The following WDR27 variants were observed in gnomAD, a reference collection of about 807,000 sequenced individuals.
The protein encoded by WDR27 is WD repeat domain 27.
In WDR27, 100 loss-of-function variants were observed where a neutral mutation model predicts 114.4. The ratio of observed to expected loss-of-function variants is 0.87; its 90% CI spans 0.74 to 1.03. WDR27 has a LOEUF of 1.03. Ranked by LOEUF, WDR27 falls within the 50% of genes least tolerant of loss-of-function variation. The probability of loss-of-function intolerance (pLI) is 0.00; values close to 1 mark genes in which losing one functional copy is unlikely to be tolerated. For missense variants in WDR27, 1,129 were observed against 1,092.9 expected, an observed-to-expected ratio of 1.03 and a Z score of -0.47; for synonymous variants, 449 against 423.1, an observed-to-expected ratio of 1.06 and a Z score of -0.75.
At chr6:169,455,900 CTTCT>C (rs1374329659), downstream of WDR27, among the ~76,000 whole-genome samples, 1 of 151,846 alleles carries the variant, frequency 6.6e-6, no homozygotes, top group Non-Finnish European at 1.5e-5. Context: ...TTAGAGTTTT[CTTCT>C]TTGACATTTA....
intron 25 of WDR27, among the ~76,000 whole-genome samples, chr6:169,520,842 A>G (rs996254406): frequency 2.6e-5 from 4 of 152,188 alleles, no homozygotes; most frequent in African/African-American, 9.7e-5. Context: ...AAGAGAAAAA[A>G]AGGAAAAAAA....
intron 22 of WDR27, among the ~76,000 whole-genome samples, chr6:169,605,741 G>T (rs1809029423): frequency 6.6e-6 from 1 of 151,968 alleles, no homozygotes; most frequent in African/African-American, 2.4e-5. Context: ...AAAACAACAT[G>T]GTACTGGTAT....
At position 169,649,131 on chromosome 6, in the gene WDR27, C is replaced by T. The variant is rs559425069; in HGVS notation, c.1559+67G>A. 2.2e-6 allele frequency: 3 copies of T among 1,334,464 alleles called. No homozygotes were observed. In the African/African-American group the frequency reaches 4.4e-5, roughly 19 times the overall value. The allele number at this position is 1,334,464 out of a possible 1,614,324, so 82.7% of individuals were successfully genotyped here. On this transcript the variant is annotated intron_variant, in intron 15 of 25. Transcript: ENST00000448612. ...GGTTTTATATCTGTTTGGAAAAGAACCAGTTAAAGTGTTGGAAAGGTCTAG... is the reference window on the plus strand; with the variant it reads ...GGTTTTATATCTGTTTGGAAAAGAATCAGTTAAAGTGTTGGAAAGGTCTAG...
chr6:169,623,964 C>T (rs957705085), intron 21 of WDR27, among the ~76,000 whole-genome samples: 2 of 152,204 alleles, frequency 1.3e-5, no homozygotes, highest in African/African-American at 4.8e-5. Flanking sequence ...AACCAGCTAA[C>T]AGGCAGCCAC....
chr6:169,487,009 G>A (rs982096118), intron 25 of WDR27, among the ~76,000 whole-genome samples: 2 of 152,130 alleles, frequency 1.3e-5, no homozygotes, highest in African/African-American at 4.8e-5. Flanking sequence ...GTACTGGAGG[G>A]CAGCACAGCA....
intron 21 of WDR27, among the ~76,000 whole-genome samples, chr6:169,621,424 G>A (rs376989341): frequency 1.5e-3 from 220 of 147,362 alleles, no homozygotes; most frequent in South Asian, 5.0e-3. Flanking sequence ...ACACACACGC[G>A]CATTCACACA....
Position 169,652,055 on chromosome 6 carries a change from A to G in WDR27, c.1403-47T>C, listed in dbSNP as rs781264482. On this transcript the variant is annotated intron_variant, in intron 13 of 25. Coordinates refer to ENST00000448612, the MANE Select transcript of WDR27 (RefSeq NM_182552.5). ...GAAGAAACAAACACTTAAAATTAGCATCTCATGATGGACATGAGAAGAACA... is the reference window on the plus strand; with the variant it reads ...GAAGAAACAAACACTTAAAATTAGCGTCTCATGATGGACATGAGAAGAACA... The G allele has an allele frequency of 4.5e-6, 7 of 1,546,450 alleles. No individual in the cohort carries two copies. The Admixed American group carries it at 1.2e-4, about 27-fold the overall frequency.
chr6:169,582,735 A>T, intron 24 of WDR27, 101 bp downstream of exon 24: 1 of 855,586 alleles, frequency 1.2e-6, no homozygotes, highest in East Asian at 2.7e-5. Context: ...TGTAACCTTA[A>T]GTATTATAAG....
chr6:169,621,848 A>G (rs1393880900), intron 21 of WDR27, among the ~76,000 whole-genome samples: 1 of 152,100 alleles, frequency 6.6e-6, no homozygotes, highest in African/African-American at 2.4e-5. Context: ...ATATACACAC[A>G]TATTCACGCA....
chr6:169,431,572 G>C, the WDR27 span, among the ~76,000 whole-genome samples: 1 of 152,134 alleles, frequency 6.6e-6, no homozygotes, highest in Non-Finnish European at 1.5e-5. Context: ...GTTTATGAGG[G>C]ATTTTTTTCC....
chr6:169,447,362 AT>A, the WDR27 span, among the ~76,000 whole-genome samples: 2 of 152,150 alleles, frequency 1.3e-5, no homozygotes, highest in Admixed American at 1.3e-4. Flanking sequence ...TTTTTCTTCA[AT>A]TTTTTTAAAT....
chr6:169,576,266 G>A (rs1802319391), intron 24 of WDR27, among the ~76,000 whole-genome samples: 1 of 152,232 alleles, frequency 6.6e-6, no homozygotes, highest in African/African-American at 2.4e-5. Flanking sequence ...TGACCATGGG[G>A]TATGGGATGG....
the WDR27 span, among the ~76,000 whole-genome samples, chr6:169,452,098 C>A: frequency 4.1e-4 from 63 of 152,172 alleles, no homozygotes; most frequent in Non-Finnish European, 7.4e-4. Context: ...CAGCAAACTG[C>A]ATGGATTTGT....
intron 2 of WDR27, among the ~76,000 whole-genome samples, chr6:169,675,607 G>C (rs1033267033): frequency 5.3e-5 from 8 of 152,112 alleles, no homozygotes; most frequent in Non-Finnish European, 1.2e-4. Flanking sequence ...GAAATACATT[G>C]GTTTCGTTCA....
chr6:169,583,784 G>A (rs113622209), intron 23 of WDR27, among the ~76,000 whole-genome samples: 25 of 151,980 alleles, frequency 1.6e-4, no homozygotes, highest in African/African-American at 4.3e-4. Flanking sequence ...AAAATGAAGC[G>A]TATTGTGTAT....
intron 1 of WDR27, among the ~76,000 whole-genome samples, chr6:169,691,900 G>A (rs1035062816): frequency 1.4e-4 from 21 of 152,190 alleles, no homozygotes; most frequent in African/African-American, 5.1e-4. Context: ...GGACTGAAAG[G>A]CATGTGGATA....
chr6:169,540,537 C>G (rs778289832), intron 25 of WDR27, among the ~76,000 whole-genome samples: 1 of 151,812 alleles, frequency 6.6e-6, no homozygotes, highest in Middle Eastern at 3.4e-3. Flanking sequence ...TCAAGCAATT[C>G]TCCTGCCTCA....
At chr6:169,674,624 C>T (rs1426379461) in intron 2 of WDR27, among the ~76,000 whole-genome samples, 1 of 152,144 alleles carries the variant, frequency 6.6e-6, no homozygotes, top group African/African-American at 2.4e-5. Flanking sequence ...AAGCAGGGTC[C>T]ACAACGTTTG....
downstream of WDR27, among the ~76,000 whole-genome samples, chr6:169,456,322 G>A (rs979708108): frequency 2.0e-5 from 3 of 152,150 alleles, no homozygotes; most frequent in African/African-American, 7.2e-5. The surrounding 1 kb of genome is among the most constrained non-coding windows in gnomAD (Gnocchi z 4.0). Flanking sequence ...TTTCTTAGAA[G>A]GTGAGGTCAC....
Sources: allele counts gnomAD v4.1 joint callset (sites outside exome capture counted in the v4.1 genomes callset), GRCh38; gene constraint gnomAD v4.1.1; non-coding constraint Gnocchi (gnomAD v3.1); transcripts MANE v1.5; gene names NCBI Gene and HGNC (gene_info 2026-07-23, HGNC 2026-07-21).